Variants in RANBP2 observed in about 807,000 individuals in gnomAD.
RANBP2 encodes E3 SUMO-protein ligase RanBP2.
A neutral mutation model predicts 303.6 loss-of-function variants in RANBP2; 57 were observed. That is an observed-to-expected ratio of 0.19 (90% confidence interval 0.15 to 0.23). The LOEUF is 0.23. Among genes scored for constraint, RANBP2 ranks in the 10% least tolerant of loss-of-function variants. The probability of loss-of-function intolerance (pLI) is 1.00; values close to 1 mark genes in which losing one functional copy is unlikely to be tolerated. For synonymous variants in RANBP2, 1,167 were observed against 1,301.5 expected (o/e 0.90, Z 2.23); for missense variants, 3,138 against 3,780.8 (o/e 0.83, Z 4.46).
chr2:109,500,387 C>G, the RANBP2 span, among the ~76,000 whole-genome samples: 4 of 152,142 alleles, frequency 2.6e-5, no homozygotes, highest in African/African-American at 9.7e-5. Flanking sequence ...GCACCTGCCA[C>G]GCAGCACACC....
the RANBP2 span, among the ~76,000 whole-genome samples, chr2:108,861,294 G>A: frequency 6.6e-6 from 1 of 151,100 alleles, no homozygotes; most frequent in East Asian, 1.9e-4. Context: ...TCATTTCGTC[G>A]ATCCTTATAT....
the RANBP2 span, among the ~76,000 whole-genome samples, chr2:109,491,913 G>T: frequency 2.0e-5 from 3 of 152,298 alleles, no homozygotes; most frequent in East Asian, 5.8e-4. Flanking sequence ...CCTCCCAGAC[G>T]CCATTCCCAG....
At chr2:108,929,523 T>C in the RANBP2 span, 1 of 855,742 alleles carries the variant, frequency 1.2e-6, no homozygotes, top group Non-Finnish European at 1.9e-6. Flanking sequence ...TTGTCCTAAC[T>C]GCAAAACCCC....
the RANBP2 span, among the ~76,000 whole-genome samples, chr2:109,055,254 T>C: frequency 6.6e-6 from 1 of 152,216 alleles, no homozygotes; most frequent in Non-Finnish European, 1.5e-5. Flanking sequence ...TTGCTTGTTT[T>C]ACTATTATTA....
the RANBP2 span, among the ~76,000 whole-genome samples, chr2:109,112,234 T>C: frequency 6.6e-6 from 1 of 152,112 alleles, no homozygotes; most frequent in African/African-American, 2.4e-5. Context: ...GTTGAACTAG[T>C]TGACAGTCCC....
the RANBP2 span, among the ~76,000 whole-genome samples, chr2:109,057,484 G>A: frequency 6.6e-6 from 1 of 152,214 alleles, no homozygotes; most frequent in Non-Finnish European, 1.5e-5. Flanking sequence ...AGAGCAGCGA[G>A]CAGATTGCGG....
At chr2:108,942,701 G>T in the RANBP2 span, among the ~76,000 whole-genome samples, 1 of 152,234 alleles carries the variant, frequency 6.6e-6, no homozygotes, top group Non-Finnish European at 1.5e-5. Context: ...TCCTGTTCCC[G>T]CCTCTCCTTT....
chr2:108,835,597 A>G, the RANBP2 span, among the ~76,000 whole-genome samples: 1 of 152,260 alleles, frequency 6.6e-6, no homozygotes, highest in African/African-American at 2.4e-5. Flanking sequence ...AGATTTGTAA[A>G]TCTATTCAAG....
chr2:109,453,067 G>A, the RANBP2 span, among the ~76,000 whole-genome samples: 3 of 152,316 alleles, frequency 2.0e-5, no homozygotes, highest in African/African-American at 7.2e-5. Flanking sequence ...GGGCCTTTGA[G>A]CTCTGTTCCC....
chr2:109,217,073 T>G, the RANBP2 span, among the ~76,000 whole-genome samples: 1 of 152,344 alleles, frequency 6.6e-6, no homozygotes, highest in South Asian at 2.1e-4. Flanking sequence ...CACAGTGTCC[T>G]CTAGGCTCAT....
intron 1 of RANBP2, among the ~76,000 whole-genome samples, chr2:108,727,502 G>GT (rs1305498807): frequency 6.6e-6 from 1 of 151,678 alleles, no homozygotes; most frequent in African/African-American, 2.4e-5. Flanking sequence ...ACTATTCATC[G>GT]TTTTGGACAT....
At chr2:109,519,953 G>A in the RANBP2 span, among the ~76,000 whole-genome samples, 11,792 of 152,272 alleles carry the variant, frequency 0.077, 577 homozygotes, top group East Asian at 0.21. Flanking sequence ...AGGATGGGTG[G>A]TTCTTTGTCC....
the RANBP2 span, among the ~76,000 whole-genome samples, chr2:109,093,406 T>TAAA: frequency 1.7e-3 from 154 of 90,646 alleles, 1 homozygote; most frequent in Admixed American, 2.3e-3. Flanking sequence ...CGGAGATTTG[T>TAAA]AAAAAAAAAA....
At chr2:108,742,260 T>C (rs1245188784) in intron 7 of RANBP2, among the ~76,000 whole-genome samples, 1 of 152,054 alleles carries the variant, frequency 6.6e-6, no homozygotes, top group Non-Finnish European at 1.5e-5. Flanking sequence ...CCTCTCCAAG[T>C]GCTGGGATTA....
At chr2:109,534,054 A>T in the RANBP2 span, among the ~76,000 whole-genome samples, 2 of 152,188 alleles carry the variant, frequency 1.3e-5, no homozygotes, top group Non-Finnish European at 2.9e-5. Flanking sequence ...TCTGTCGCCC[A>T]GCCTCAGGGA....
chr2:109,306,379 G>A, the RANBP2 span, among the ~76,000 whole-genome samples: 11 of 152,220 alleles, frequency 7.2e-5, no homozygotes, highest in Admixed American at 7.2e-4. Context: ...CCTGCAGAGT[G>A]CTTGGAGATT....
At chr2:109,268,251 T>G in the RANBP2 span, among the ~76,000 whole-genome samples, 3 of 151,586 alleles carry the variant, frequency 2.0e-5, no homozygotes, top group Non-Finnish European at 2.9e-5. Flanking sequence ...CCCTGAGCCC[T>G]GCCTGCTGAA....
At chr2:109,277,915 C>T in the RANBP2 span, among the ~76,000 whole-genome samples, 1 of 150,450 alleles carries the variant, frequency 6.6e-6, no homozygotes, top group East Asian at 2.0e-4. Flanking sequence ...TGGCTCACGC[C>T]TATAATCCCA....
At chr2:109,203,884 G>A in the RANBP2 span, among the ~76,000 whole-genome samples, 10 of 152,198 alleles carry the variant, frequency 6.6e-5, no homozygotes, top group East Asian at 1.9e-4. Flanking sequence ...TTCCCTGTGC[G>A]GCCTGGCAGC....
Sources: gnomAD v4.1 joint callset for allele counts (sites outside exome capture counted in the v4.1 genomes callset) on GRCh38, gnomAD v4.1.1 for gene constraint, MANE v1.5 for transcripts, NCBI Gene and HGNC (gene_info 2026-07-23, HGNC 2026-07-21) for gene names.